LRCH3: variants seen among roughly 807,000 people sequenced by gnomAD.
LRCH3 encodes the protein DISP complex protein LRCH3.
In LRCH3, 68 loss-of-function variants were observed where a neutral mutation model predicts 104.5. The ratio of observed to expected loss-of-function variants is 0.65; its 90% confidence interval spans 0.54 to 0.80. The LOEUF (loss-of-function observed/expected upper bound fraction) is 0.80. Ranked by LOEUF, LRCH3 falls within the 30% of genes least tolerant of loss-of-function variation. LRCH3 has a pLI of 0.00. For synonymous variants in LRCH3, 344 were observed against 361.3 expected, an observed-to-expected ratio of 0.95 and a Z score of 0.54; for missense variants, 951 against 953.9, an observed-to-expected ratio of 1.00 and a Z score of 0.04.
At chr3:197,879,107 T>C (rs1369604038) in intron 20 of LRCH3, among the ~76,000 whole-genome samples, 1 of 152,242 alleles carries the variant, frequency 6.6e-6, no homozygotes, top group African/African-American at 2.4e-5. Flanking sequence ...TATGCTTCTA[T>C]TCAATATGCT....
At chr3:197,795,024 T>A (rs967142702) in intron 1 of LRCH3, among the ~76,000 whole-genome samples, 15 of 150,974 alleles carry the variant, frequency 9.9e-5, no homozygotes, top group East Asian at 3.9e-4. Flanking sequence ...GAAAAAAAAA[T>A]ATTAATCTTT....
At chr3:197,861,562 CT>C (rs906823364) in intron 15 of LRCH3, among the ~76,000 whole-genome samples, 4 of 152,128 alleles carry the variant, frequency 2.6e-5, no homozygotes, top group Non-Finnish European at 1.5e-5. Flanking sequence ...ATAGATAAGT[CT>C]TTTTTTTCTA....
chr3:197,869,761 G>C (rs59097517), intron 17 of LRCH3, among the ~76,000 whole-genome samples: 82 of 110,590 alleles, frequency 7.4e-4, no homozygotes, highest in African/African-American at 2.4e-3. Context: ...GGTAGAAAGC[G>C]ATGCACTGTA....
At chr3:197,852,533 T>C (rs1454223282) in intron 12 of LRCH3, 28 bp from the exon 13 acceptor site, 1 of 1,611,418 alleles carries the variant, frequency 6.2e-7, no homozygotes. Flanking sequence ...ACCAACTTCC[T>C]TTTTTGGGGG....
chr3:197,817,340 G>GTATTTTGTGTGTGTGTGCGTGTATTT lies in LRCH3; in HGVS notation c.534+39_534+40insATTTTGTGTGTGTGTGCGTGTATTTT. 8 of 519,626 alleles carry GTATTTTGTGTGTGTGTGCGTGTATTT rather than the reference G, an allele frequency of 1.5e-5. 2 individuals carry two copies. The highest frequency in any genetic ancestry group is 1.4e-4 in the Admixed American group (2 of 13,902). The allele number at this position is 519,626 out of a possible 1,614,324, so 32.2% of individuals were successfully genotyped here. The stretch of plus-strand genomic sequence containing the variant: ...TTTTGATTGTCCAACATGTGTGTGT[G>GTATTTTGTGTGTGTGTGCGTGTATTT]TGTGTCTGTGTGTGTGTGTGTATAT... On this transcript the variant is annotated intron_variant, in intron 3 of 20. Transcript: ENST00000425562.
chr3:197,803,790 C>T (rs975911853), intron 1 of LRCH3, among the ~76,000 whole-genome samples: 1 of 152,138 alleles, frequency 6.6e-6, no homozygotes, highest in African/African-American at 2.4e-5. Flanking sequence ...AATTGCAGGC[C>T]TCATCTCGGA....
At chr3:197,830,257 C>CT (rs1358234586) in intron 6 of LRCH3, among the ~76,000 whole-genome samples, 3 of 151,980 alleles carry the variant, frequency 2.0e-5, no homozygotes, top group East Asian at 1.9e-4. Flanking sequence ...GGAACAATCT[C>CT]TTTTTTTTGA....
chr3:197,875,711 T>C lies in LRCH3; in HGVS notation c.2144T>C (p.Met715Thr). 2 of 1,534,548 alleles carry C rather than the reference T, an allele frequency of 1.3e-6. No individual in the cohort carries two copies. Among genetic ancestry groups the C allele is most frequent in the Non-Finnish European group, 1.7e-6 (2 of 1,146,536 alleles). The part of the protein sequence containing the change: ...VPSPAVPKLT[M>T]AKCRRNVENF... ...TCCTCATTTCAGCCTAAATTAACAA[T>C]GGCGAAATGCAGGCGAAATGTGGAA... Residue 715 changes from methionine (M) to threonine (T), a missense_variant, in exon 20 of 21, where the codon ATG becomes ACG. Transcript: ENST00000425562.
At chr3:197,860,200 C>T (rs1740711828) in intron 15 of LRCH3, among the ~76,000 whole-genome samples, 1 of 152,130 alleles carries the variant, frequency 6.6e-6, no homozygotes. Flanking sequence ...CAAGGTCTCA[C>T]TGTATTGCCC....
intron 1 of LRCH3, among the ~76,000 whole-genome samples, chr3:197,809,999 G>C (rs1383024005): frequency 1.3e-5 from 2 of 152,050 alleles, no homozygotes; most frequent in African/African-American, 4.8e-5. Context: ...GGAAATTTAG[G>C]ATCCCCACGT....
chr3:197,883,976 CTG>C lies in LRCH3; in HGVS notation c.*314_*315del. 1 of 275,682 alleles carries C rather than the reference CTG, an allele frequency of 3.6e-6. No individual in the cohort carries two copies. Among genetic ancestry groups the C allele is most frequent in the South Asian group, 6.9e-5 (1 of 14,546 alleles). 17.1% of individuals were successfully genotyped at this position (275,682 alleles called of 1,614,324 possible). On this transcript the variant is annotated 3_prime_UTR_variant, in exon 21 of 21. Transcript: ENST00000425562. This position sits in a 1 kb window ranked among gnomAD's most constrained non-coding sequence, Gnocchi z 4.2. ...TTTCACGTGCCAGAAAGCACATCTT[CTG>C]TGTTAGGCACAAGCATGCTGTGCCA...
intron 1 of LRCH3, among the ~76,000 whole-genome samples, chr3:197,794,508 G>A (rs983101510): frequency 3.3e-5 from 5 of 152,162 alleles, no homozygotes; most frequent in African/African-American, 9.7e-5. Context: ...AAAATTTAAA[G>A]CCAAGTAAAA....
intron 8 of LRCH3, 140 bp downstream of exon 8, chr3:197,832,457 G>C: frequency 1.3e-6 from 1 of 771,096 alleles, no homozygotes; most frequent in East Asian, 3.0e-5. Context: ...ATATATGATT[G>C]AAAAATACTA....
chr3:197,839,442 GA>G (rs1375575415), intron 10 of LRCH3, 45 bp downstream of exon 10: 2 of 1,271,856 alleles, frequency 1.6e-6, no homozygotes, highest in African/African-American at 3.0e-5. Context: ...TCTTAATCAT[GA>G]GAGCATAAAG....
Position 197,793,317 on chromosome 3 carries a change from A to G in LRCH3, c.262+1777A>G, listed in dbSNP as rs1438682552. Among the ~76,000 whole-genome samples the G allele has an allele frequency of 2.0e-5, 3 of 152,228 alleles. No homozygotes were observed. The South Asian group carries it at 6.2e-4, about 32-fold the overall frequency. The stretch of plus-strand genomic sequence containing the variant: ...CTCTTTTTGGAAACAGTTGAACTGA[A>G]TATTTTTTAGTGATTTAAAGTTTCT... On this transcript the variant is annotated intron_variant, in intron 1 of 20. Transcript: ENST00000425562.
At chr3:197,825,933 T>C (rs912997746) in intron 4 of LRCH3, among the ~76,000 whole-genome samples, 3 of 152,224 alleles carry the variant, frequency 2.0e-5, no homozygotes, top group Non-Finnish European at 4.4e-5. Context: ...ATATTCCTTT[T>C]ATGTTTCAGT....
chr3:197,799,202 C>T (rs1355555149), intron 1 of LRCH3, among the ~76,000 whole-genome samples: 5 of 152,262 alleles, frequency 3.3e-5, no homozygotes, highest in Non-Finnish European at 5.9e-5. Flanking sequence ...GGATGGTTAA[C>T]GTTACTTCAT....
chr3:197,830,986 G>A (rs1735852874), intron 7 of LRCH3, 123 bp downstream of exon 7: 3 of 813,332 alleles, frequency 3.7e-6, no homozygotes, highest in East Asian at 5.5e-5. Context: ...AAGTCAAGGT[G>A]GAGGCAAGAT....
At chr3:197,867,765 G>A (rs1560596547) in intron 17 of LRCH3, among the ~76,000 whole-genome samples, 1 of 152,132 alleles carries the variant, frequency 6.6e-6, no homozygotes, top group Non-Finnish European at 1.5e-5. Context: ...TGAGGCAGGA[G>A]AATGGTGTGA....
Sources: gnomAD v4.1 joint callset for allele counts (sites outside exome capture counted in the v4.1 genomes callset) on GRCh38, gnomAD v4.1.1 for gene constraint, Gnocchi (gnomAD v3.1) non-coding constraint, MANE v1.5 for transcripts, NCBI Gene and HGNC (gene_info 2026-07-23, HGNC 2026-07-21) for gene names.